Variants in RBFOX1 observed in about 807,000 individuals in gnomAD.
RBFOX1 encodes RNA binding protein fox-1 homolog 1.
RBFOX1 carries 8 observed loss-of-function variants against 57.7 expected under a neutral mutation model. The ratio of observed to expected loss-of-function variants is 0.14; its 90% CI spans 0.08 to 0.25. The LOEUF (loss-of-function observed/expected upper bound fraction) is 0.25, where lower values mean the gene tolerates loss of function less well. RBFOX1 is among the 10% of genes least tolerant of loss of function. The probability of loss-of-function intolerance (pLI) is 1.00; values close to 1 mark genes in which losing one functional copy is unlikely to be tolerated. For missense variants in RBFOX1, 611 were observed against 548.5 expected (o/e 1.11, Z -1.14); for synonymous variants, 326 against 222.4 (o/e 1.47, Z -4.15).
intron 3 of RBFOX1, among the ~76,000 whole-genome samples, chr16:6,797,435 G>T (rs991437173): frequency 2.0e-5 from 3 of 152,228 alleles, no homozygotes; most frequent in African/African-American, 7.2e-5. Context: ...GCTTTGTTGC[G>T]CAATAACATG....
intron 1 of RBFOX1, among the ~76,000 whole-genome samples, chr16:6,229,691 C>A (rs141569888): frequency 6.7e-6 from 1 of 149,618 alleles, no homozygotes; most frequent in African/African-American, 2.5e-5. Flanking sequence ...TGGTTTCCTT[C>A]CAGATTTTCA....
intron 1 of RBFOX1, among the ~76,000 whole-genome samples, chr16:6,161,243 G>C (rs987750690): frequency 2.0e-5 from 3 of 152,024 alleles, no homozygotes; most frequent in Non-Finnish European, 2.9e-5. Context: ...ACCAAAATTA[G>C]CTTGGCATGG....
intron 2 of RBFOX1, among the ~76,000 whole-genome samples, chr16:6,484,205 C>G (rs1304116985): frequency 6.6e-6 from 1 of 152,106 alleles, no homozygotes; most frequent in East Asian, 1.9e-4. Context: ...AAGAGATGCG[C>G]GGCTCTGGAA....
chr16:6,183,237 T>C (rs2097078735), intron 1 of RBFOX1, among the ~76,000 whole-genome samples: 2 of 151,824 alleles, frequency 1.3e-5, no homozygotes, highest in Non-Finnish European at 2.9e-5. Flanking sequence ...TCCCAGCACT[T>C]TGGGAGGCCA....
chr16:6,007,698 G>A (rs1016215677), intron 4 of RBFOX1, among the ~76,000 whole-genome samples: 4 of 152,206 alleles, frequency 2.6e-5, no homozygotes, highest in Admixed American at 2.6e-4. Context: ...CTTGTGGGAT[G>A]AATGAACAGA....
chr16:5,881,810 T>C (rs1251980321), intron 4 of RBFOX1, among the ~76,000 whole-genome samples: 1 of 152,194 alleles, frequency 6.6e-6, no homozygotes, highest in Non-Finnish European at 1.5e-5. Context: ...GTGTTAAATG[T>C]ATTTTGCAGA....
intron 1 of RBFOX1, among the ~76,000 whole-genome samples, chr16:6,041,605 G>A (rs372359531): frequency 6.6e-6 from 1 of 152,112 alleles, no homozygotes; most frequent in East Asian, 1.9e-4. Flanking sequence ...AAGTGGCAGA[G>A]CCAGGATGCA....
In RBFOX1 at chr16:7,292,433, A is replaced by G. The variant is rs1277899899; in HGVS notation, c.28-225714A>G. 9.8e-5 allele frequency among the ~76,000 whole-genome samples: 14 copies of G among 143,004 alleles called. No individual in the cohort carries two copies. In the East Asian group the frequency reaches 2.8e-3, roughly 28 times the overall value. 93.8% of individuals were successfully genotyped at this position (143,004 alleles called of 152,430 possible). The stretch of plus-strand genomic sequence containing the variant: ...TTATATTATATATATAAGGTATTAT[A>G]TATAATATATAATATGTAATGTATT... On this transcript the variant is annotated intron_variant, in intron 4 of 15. Coordinates refer to ENST00000550418, the MANE Select transcript of RBFOX1 (RefSeq NM_018723.4).
chr16:6,797,733 C>G (rs536195624), intron 3 of RBFOX1, among the ~76,000 whole-genome samples: 1 of 152,218 alleles, frequency 6.6e-6, no homozygotes, highest in African/African-American at 2.4e-5. Context: ...TTCCAAACCA[C>G]GTTGGCTCTT....
At chr16:5,876,165 A>G (rs967422576) in intron 4 of RBFOX1, among the ~76,000 whole-genome samples, 1 of 152,128 alleles carries the variant, frequency 6.6e-6, no homozygotes, top group African/African-American at 2.4e-5. Context: ...TTTACCTTGC[A>G]TTGGGGGTTA....
intron 1 of RBFOX1, among the ~76,000 whole-genome samples, chr16:5,464,173 G>C (rs1048575895): frequency 2.0e-5 from 3 of 152,208 alleles, no homozygotes; most frequent in African/African-American, 7.2e-5. Context: ...GGGCTGTGTG[G>C]AGTTGATAAT....
intron 1 of RBFOX1, among the ~76,000 whole-genome samples, chr16:6,173,451 G>A (rs1219290512): frequency 6.6e-6 from 1 of 152,020 alleles, no homozygotes; most frequent in Non-Finnish European, 1.5e-5. Flanking sequence ...AAACACACAT[G>A]TGTGCATGTG....
At chr16:6,288,052 T>C (rs535846947) in intron 1 of RBFOX1, among the ~76,000 whole-genome samples, 5 of 152,214 alleles carry the variant, frequency 3.3e-5, no homozygotes, top group African/African-American at 1.2e-4. Flanking sequence ...TCTGCTAACA[T>C]GGCTCACATG....
rs547579649 is a variant in RBFOX1 at position 5,744,897 on chromosome 16, A to C, written c.319-122406A>C. 3.3e-5 allele frequency among the ~76,000 whole-genome samples: 5 copies of C among 152,230 alleles called. No homozygotes were observed. In the East Asian group the frequency reaches 9.7e-4, roughly 29 times the overall value. On this transcript the variant is annotated intron_variant, in intron 3 of 19. Transcript: ENST00000641259. ...CTCACCGCTCTCTCTCCGACCGCCC[A>C]AAGTAGCGGGGATTACAGGCATGCA...
chr16:7,217,645 AT>A (rs202196820), intron 4 of RBFOX1, among the ~76,000 whole-genome samples: 1,898 of 152,234 alleles, frequency 0.012, 35 homozygotes, highest in African/African-American at 0.038. Flanking sequence ...GGAAAAAAAA[AT>A]GTCAGTGTTT....
chr16:6,979,256 A>C (rs533646929), intron 3 of RBFOX1, among the ~76,000 whole-genome samples: 2 of 152,168 alleles, frequency 1.3e-5, no homozygotes, highest in Non-Finnish European at 2.9e-5. Flanking sequence ...ATACAGTTAA[A>C]TAGTAAAAAC....
intron 4 of RBFOX1, among the ~76,000 whole-genome samples, chr16:5,887,893 A>T (rs2057940090): frequency 6.6e-6 from 1 of 152,226 alleles, no homozygotes; most frequent in South Asian, 2.1e-4. Flanking sequence ...GGGATACCAG[A>T]TAAAATGATG....
intron 3 of RBFOX1, among the ~76,000 whole-genome samples, chr16:6,991,051 C>T (rs1337210627): frequency 6.8e-6 from 1 of 147,754 alleles, no homozygotes; most frequent in Admixed American, 6.9e-5. Flanking sequence ...CCTGTAATTC[C>T]AGTACGTTGG....
chr16:7,200,118 A>G (rs1455484264), intron 4 of RBFOX1, among the ~76,000 whole-genome samples: 1 of 152,218 alleles, frequency 6.6e-6, no homozygotes, highest in Non-Finnish European at 1.5e-5. Flanking sequence ...ACATAGCACC[A>G]ACAAAACTGG....
Sources: gnomAD v4.1 joint callset for allele counts (sites outside exome capture counted in the v4.1 genomes callset) on GRCh38, gnomAD v4.1.1 for gene constraint, MANE v1.5 for transcripts, NCBI Gene and HGNC (gene_info 2026-07-23, HGNC 2026-07-21) for gene names.